The following AFF3 variants were observed in gnomAD, a reference collection of about 807,000 sequenced individuals.
AFF3 encodes the protein AF4/FMR2 family member 3.
AFF3 carries 32 observed loss-of-function variants against 129.7 expected under a neutral mutation model. The observed-to-expected ratio is 0.25, with a 90% CI of 0.19 to 0.33. The LOEUF is 0.33. Ranked by LOEUF, AFF3 falls within the 10% of genes least tolerant of loss-of-function variation. The pLI, the probability that AFF3 is intolerant of heterozygous loss-of-function variation, is 1.00. For missense variants in AFF3, 1,373 were observed against 1,592.0 expected, an observed-to-expected ratio of 0.86 and a Z score of 2.34; for synonymous variants, 644 against 635.4, an observed-to-expected ratio of 1.01 and a Z score of -0.20.
chr2:99,947,706 T>C (rs560688796), intron 7 of AFF3, among the ~76,000 whole-genome samples: 1 of 151,986 alleles, frequency 6.6e-6, no homozygotes, highest in South Asian at 2.1e-4. Flanking sequence ...ACTGAGTGAA[T>C]ACATTACAGG....
intron 4 of AFF3, among the ~76,000 whole-genome samples, chr2:100,065,020 T>C (rs1302114338): frequency 6.6e-6 from 1 of 152,236 alleles, no homozygotes; most frequent in Non-Finnish European, 1.5e-5. Context: ...AATTAGTTCA[T>C]AGACAAGTTA....
At chr2:99,818,411 G>A (rs1200303727) in intron 8 of AFF3, among the ~76,000 whole-genome samples, 5 of 152,096 alleles carry the variant, frequency 3.3e-5, no homozygotes, top group Non-Finnish European at 5.9e-5. Context: ...AAAATACAAC[G>A]TTGAAACCGA....
At chr2:99,770,266 C>G (rs548474103) in intron 8 of AFF3, among the ~76,000 whole-genome samples, 4 of 152,228 alleles carry the variant, frequency 2.6e-5, no homozygotes, top group African/African-American at 7.2e-5. Context: ...GCCACGACCA[C>G]GACAGGCCCA....
chr2:99,587,418 GCCCCT>G, intron 15 of AFF3, 140 bp from the exon 16 acceptor site: 4 of 945,718 alleles, frequency 4.2e-6, no homozygotes, highest in Non-Finnish European at 6.3e-6. Flanking sequence ...GAGCAGCTGT[GCCCCT>G]GCCATAGCTT....
Position 99,649,668 on chromosome 2 carries a change from T to G in AFF3, c.1144-2A>C. 1 of 1,614,144 alleles carries G rather than the reference T, an allele frequency of 6.2e-7. No homozygotes were observed. Among genetic ancestry groups the G allele is most frequent in the Non-Finnish European group, 8.5e-7 (1 of 1,179,984 alleles). ...GAGAGCCGTTCTCTGAGCTGCCTGC[T>G]GGAAGAAAGAAAGGGCAGAGATGTT... On this transcript the variant is annotated splice_acceptor_variant, in intron 12 of 24. Coordinates refer to ENST00000672756, the MANE Select transcript of AFF3 (RefSeq NM_001386135.1). LOFTEE classifies it high-confidence loss of function.
intron 13 of AFF3, among the ~76,000 whole-genome samples, chr2:99,603,047 TTGTC>T (rs1295963923): frequency 6.6e-6 from 1 of 152,224 alleles, no homozygotes; most frequent in Non-Finnish European, 1.5e-5. Flanking sequence ...TCCACACTGA[TTGTC>T]TGACAAAATT....
chr2:99,920,494 T>C (rs932149358), intron 7 of AFF3, among the ~76,000 whole-genome samples: 2 of 152,096 alleles, frequency 1.3e-5, no homozygotes, highest in African/African-American at 4.8e-5. Context: ...CATAACCCAG[T>C]TGTGTTACTA....
At chr2:99,961,266 G>A (rs1374676140) in intron 7 of AFF3, among the ~76,000 whole-genome samples, 1 of 152,130 alleles carries the variant, frequency 6.6e-6, no homozygotes, top group African/African-American at 2.4e-5. Context: ...TTTCTGTTCC[G>A]TTCTACCAGC....
intron 11 of AFF3, among the ~76,000 whole-genome samples, chr2:99,696,809 A>G (rs920686490): frequency 1.3e-5 from 2 of 151,928 alleles, no homozygotes; most frequent in Non-Finnish European, 2.9e-5. Context: ...ATGCCCAGCT[A>G]ATTTTAAAAT....
rs762274125 is a variant in AFF3 at position 99,590,998 on chromosome 2, C to CA, written c.2466+2196dup. 2.9e-3 allele frequency among the ~76,000 whole-genome samples: 327 copies of CA among 112,578 alleles called. 1 individual carries two copies. The highest frequency in any genetic ancestry group is 9.2e-3 in the Middle Eastern group (2 of 218). 73.9% of individuals were successfully genotyped at this position (112,578 alleles called of 152,430 possible). A position where few individuals can be genotyped will look rare whatever the true frequency, so the allele number is the denominator to read the frequency against. On this transcript the variant is annotated intron_variant, in intron 15 of 24. Coordinates refer to ENST00000672756, the MANE Select transcript of AFF3 (RefSeq NM_001386135.1). ...GGGCAACAAGAGCGAAACTCTGTCT[C>CA]AAAAAAAAAAAAAAAAATTTTTTTT...
chr2:99,785,413 C>T (rs1463391896), intron 8 of AFF3, among the ~76,000 whole-genome samples: 8 of 152,270 alleles, frequency 5.3e-5, no homozygotes, highest in Non-Finnish European at 1.5e-5. Context: ...AAAATTATAT[C>T]CAAATCTCCA....
chr2:99,752,105 C>T (rs551017571), intron 9 of AFF3, 116 bp downstream of exon 9: 27 of 897,478 alleles, frequency 3.0e-5, no homozygotes, highest in Middle Eastern at 3.1e-4. Flanking sequence ...ATCAGATTCA[C>T]GTGCCTCTGG....
intron 4 of AFF3, among the ~76,000 whole-genome samples, chr2:100,065,398 G>A (rs577158184): frequency 7.2e-5 from 11 of 152,008 alleles, no homozygotes; most frequent in South Asian, 4.1e-4. Flanking sequence ...TTCTTCTTAC[G>A]CATGCATTTA....
chr2:99,593,462 G>A lies in AFF3; in HGVS notation c.2199C>T (p.Asp733=), dbSNP rs1678939157. ...ACTGCTCCTCCAGCTCCTTGGCGAT[G>A]TCACTGGTGGTCCTGGCGTTGATGG... The part of the protein sequence containing the change: ...VGSINARTTS[D]IAKELEEQFY... Residue 733 remains aspartate (D), a synonymous_variant, in exon 15 of 25, where the codon GAC becomes GAT. Coordinates refer to ENST00000672756, the MANE Select transcript of AFF3 (RefSeq NM_001386135.1). 3.7e-6 allele frequency: 6 copies of A among 1,613,852 alleles called. No individual in the cohort carries two copies. Among genetic ancestry groups the A allele is most frequent in the East Asian group, 2.2e-5 (1 of 44,846 alleles).
intron 4 of AFF3, among the ~76,000 whole-genome samples, chr2:100,044,732 G>A (rs190422709): frequency 1.3e-5 from 2 of 152,076 alleles, no homozygotes; most frequent in African/African-American, 4.8e-5. Context: ...ATTTACTTTG[G>A]AGTAATTAAT....
chr2:100,082,415 G>C (rs1689107849), intron 4 of AFF3, among the ~76,000 whole-genome samples: 1 of 151,658 alleles, frequency 6.6e-6, no homozygotes. Flanking sequence ...GCAAAAGAAT[G>C]TTATCCTGAT....
chr2:99,609,092 T>C (rs533315015), intron 13 of AFF3, among the ~76,000 whole-genome samples: 1 of 152,252 alleles, frequency 6.6e-6, no homozygotes, highest in Admixed American at 6.5e-5. Context: ...CCCACCTTTT[T>C]TTTTCTTAAA....
intron 13 of AFF3, among the ~76,000 whole-genome samples, chr2:99,614,721 C>T (rs927720069): frequency 2.6e-5 from 4 of 152,184 alleles, no homozygotes; most frequent in African/African-American, 7.2e-5. Flanking sequence ...CTGACATTTG[C>T]TAAGAAATAC....
intron 8 of AFF3, among the ~76,000 whole-genome samples, chr2:99,800,726 G>T (rs1685876226): frequency 6.6e-6 from 1 of 152,146 alleles, no homozygotes; most frequent in South Asian, 2.1e-4. Context: ...TCCATACAAT[G>T]GAATACGGCT....
Sources: allele counts gnomAD v4.1 joint callset (sites outside exome capture counted in the v4.1 genomes callset), GRCh38; gene constraint gnomAD v4.1.1; transcripts MANE v1.5; gene names NCBI Gene and HGNC (gene_info 2026-07-23, HGNC 2026-07-21).